Variants in SH3D21 observed in about 807,000 individuals in gnomAD.
SH3D21 encodes SH3 domain-containing protein 21.
Under a neutral mutation model 82.1 loss-of-function variants are expected in SH3D21, and 83 were observed. The ratio of observed to expected loss-of-function variants is 1.01; its 90% CI spans 0.85 to 1.21. The LOEUF is 1.21. Among genes scored for constraint, SH3D21 ranks in the 50% most tolerant of loss-of-function variants. The pLI is 0.00. For synonymous variants in SH3D21, 383 were observed against 387.8 expected (o/e 0.99, Z 0.15); for missense variants, 980 against 962.1 (o/e 1.02, Z -0.25).
At chr1:36,321,805 TGCGC>T, downstream of SH3D21, 2 of 1,004,240 alleles carry the variant, frequency 2.0e-6, no homozygotes, top group Non-Finnish European at 2.4e-6. The surrounding 1 kb of genome is among the most constrained non-coding windows in gnomAD (Gnocchi z 6.1). Context: ...GAATAAGGAA[TGCGC>T]GCGCGCTTGC....
chr1:36,316,514 C>A (rs185482180), intron 10 of SH3D21, among the ~76,000 whole-genome samples: 1 of 152,342 alleles, frequency 6.6e-6, no homozygotes, highest in Non-Finnish European at 1.5e-5. Context: ...GGATTACAGG[C>A]GTGAGCCACC....
At chr1:36,316,531 G>T (rs1646346803) in intron 10 of SH3D21, among the ~76,000 whole-genome samples, 1 of 152,152 alleles carries the variant, frequency 6.6e-6, no homozygotes, top group South Asian at 2.1e-4. Flanking sequence ...CACCGCGCCT[G>T]GCCGAGAATT....
Position 36,320,939 on chromosome 1 carries a change from G to A in SH3D21, c.2160G>A (p.Glu720=). The A allele has an allele frequency of 6.4e-7, 1 of 1,567,812 alleles. No individual in the cohort carries two copies. The highest frequency in any genetic ancestry group is 1.2e-5 in the South Asian group (1 of 85,688). ...QLERKLTDIW[E]ELKSEKEQRR... is the part of the protein sequence containing the mutation. The stretch of plus-strand genomic sequence containing the variant: ...GGAGGAAGCTGACCGACATCTGGGA[G>A]GAGCTGAAGAGCGAGAAGGAGCAGC... The change falls in exon 15 of 16, where the codon GAG becomes GAA. Residue 720 remains glutamate, a synonymous_variant. Transcript: ENST00000453908.
rs775146778 is a variant in SH3D21, at chr1:36,308,475, A to G, written c.726A>G (p.Pro242=). 5 of 1,551,420 alleles carry G rather than the reference A, an allele frequency of 3.2e-6. No individual in the cohort carries two copies. In the South Asian group the frequency reaches 5.9e-5, roughly 18 times the overall value. ...FPDNFVLPPP[P]IKKLVPRKVV... is the part of the protein sequence containing the mutation. ...ACAACTTTGTACTCCCACCACCCCCAGTGAGTACAGAGCCAAGACACTCAG... is the reference window on the plus strand; with the variant it reads ...ACAACTTTGTACTCCCACCACCCCCGGTGAGTACAGAGCCAAGACACTCAG... Residue 242 remains proline (P), a splice_region_variant and synonymous_variant, in exon 9 of 16, where the codon CCA becomes CCG. Coordinates refer to ENST00000453908, the MANE Select transcript of SH3D21 (RefSeq NM_001162530.2).
At chr1:36,309,345 T>C (rs1222056795) in intron 9 of SH3D21, among the ~76,000 whole-genome samples, 2 of 152,068 alleles carry the variant, frequency 1.3e-5, no homozygotes, top group Non-Finnish European at 2.9e-5. Flanking sequence ...TACACGTGCA[T>C]GCCACCACAT....
downstream of SH3D21, chr1:36,324,132 C>T (rs1399302459): frequency 1.1e-4 from 17 of 152,242 alleles, no homozygotes; most frequent in Non-Finnish European, 2.9e-5. Flanking sequence ...GTCCACCCCT[C>T]CTTCCAGGGC....
At chr1:36,323,026 CG>C, downstream of SH3D21, 1 of 1,599,818 alleles carries the variant, frequency 6.3e-7, no homozygotes, top group Non-Finnish European at 8.5e-7. Context: ...TGTCCCTTCG[CG>C]GGGCATCCAT....
chr1:36,316,286 G>GT (rs1646341595), intron 10 of SH3D21, among the ~76,000 whole-genome samples: 1 of 152,224 alleles, frequency 6.6e-6, no homozygotes, highest in Admixed American at 6.5e-5. Context: ...CTAGGCTGGA[G>GT]TGCAATGATG....
At chr1:36,308,329 A>G in intron 8 of SH3D21, 60 bp from the exon 9 acceptor site, 1 of 1,510,262 alleles carries the variant, frequency 6.6e-7, no homozygotes, top group Non-Finnish European at 9.0e-7. Context: ...AAGGAGTGGG[A>G]CCCCGGAAAG....
At chr1:36,320,839 C>T in intron 14 of SH3D21, 41 bp downstream of exon 14, 2 of 1,550,422 alleles carry the variant, frequency 1.3e-6, no homozygotes, top group African/African-American at 1.4e-5. Flanking sequence ...GTAGGGTTCC[C>T]CCTAGCCCTC....
In SH3D21 at chr1:36,306,387, G is replaced by A. The variant is rs774559208; in HGVS notation, c.-34G>A. On this transcript the variant is annotated 5_prime_UTR_variant, in exon 1 of 16. Transcript: ENST00000453908. This position sits in a 1 kb window ranked among gnomAD's most constrained non-coding sequence, Gnocchi z 4.5. ...GGGCCCAGTACTCGGCCGTCAGAGG[G>A]AGCTGCCAGGCTCTGGAGGGCGCCC... 32 of 1,305,414 alleles carry A rather than the reference G, an allele frequency of 2.5e-5. No homozygotes were observed. In the African/African-American group the frequency reaches 4.1e-4, roughly 17 times the overall value. The allele number at this position is 1,305,414 out of a possible 1,614,324, so 80.9% of individuals were successfully genotyped here. A position where few individuals can be genotyped will look rare whatever the true frequency, so the allele number is the denominator to read the frequency against.
downstream of SH3D21, chr1:36,327,891 G>A: frequency 1.6e-6 from 2 of 1,288,428 alleles, no homozygotes; most frequent in Non-Finnish European, 2.0e-6. Flanking sequence ...CTGCTTGACT[G>A]CCTGCTGCTC....
Position 36,321,108 on chromosome 1 carries a change from C to A in SH3D21, c.2252C>A (p.Thr751Lys). ...QKSQTPRVIH[T>K]QTQTY is the part of the protein sequence containing the mutation. The stretch of plus-strand genomic sequence containing the variant: ...TCCCAGACCCCGCGCGTCATCCACA[C>A]GCAGACGCAGACCTACTGAGGGTGG... Residue 751 changes from threonine to lysine, a missense_variant, in exon 16 of 16, where the codon ACG (threonine) becomes AAG (lysine). Transcript: ENST00000453908. The surrounding 1 kb of genome is among the most constrained non-coding windows in gnomAD (Gnocchi z 6.1). 1 of 1,611,680 alleles carries A rather than the reference C, an allele frequency of 6.2e-7. No homozygotes were observed. The highest frequency in any genetic ancestry group is 8.5e-7 in the Non-Finnish European group (1 of 1,179,240).
rs765418013 is a variant in SH3D21 at position 36,320,617 on chromosome 1, G to A, written c.1954G>A (p.Ala652Thr). The change falls in exon 14 of 16, where the codon GCC (alanine) becomes ACC (threonine). Residue 652 changes from alanine to threonine, a missense_variant. Physicochemically the swap from Ala to Thr is moderately conservative, Grantham distance 58. Transcript: ENST00000453908. Reference protein sequence around the residue: ...PKEEVPPIERAFAQKTRPIKP... With the variant: ...PKEEVPPIERTFAQKTRPIKP... ...AGAGGAGGTGCCCCCCATAGAAAGA[G>A]CCTTTGCCCAAAAAACACGTCCTAT... The A allele has an allele frequency of 6.5e-5, 105 of 1,614,256 alleles. 2 individuals carry two copies. The South Asian group carries it at 8.8e-4, about 14-fold the overall frequency.
At position 36,307,113 on chromosome 1, in the gene SH3D21, GCTC is replaced by G. The variant is rs956176764; in HGVS notation, c.227-50_227-48del. The G allele has an allele frequency of 1.6e-5, 25 of 1,547,290 alleles. No individual in the cohort carries two copies. The highest frequency in any genetic ancestry group is 7.9e-5 in the Admixed American group (4 of 50,808). The stretch of plus-strand genomic sequence containing the variant: ...ACGTGCGCGCCTTGCGCTTCCCCCA[GCTC>G]CTCTGACTGGGGCGTCCGACTGGAG... On this transcript the variant is annotated intron_variant, in intron 3 of 15. Coordinates refer to ENST00000453908, the MANE Select transcript of SH3D21 (RefSeq NM_001162530.2). This position sits in a 1 kb window ranked among gnomAD's most constrained non-coding sequence, Gnocchi z 5.4.
rs1297255753 is a variant in SH3D21 at position 36,320,397 on chromosome 1, G to A, written c.1734G>A (p.Lys578=). Residue 578 remains lysine, a synonymous_variant, in exon 14 of 16, where the codon AAG becomes AAA. Coordinates refer to ENST00000453908, the MANE Select transcript of SH3D21 (RefSeq NM_001162530.2). ...SGPASRPALE[K]PHPHEEATTL... The stretch of plus-strand genomic sequence containing the variant: ...CAGCATCCAGGCCTGCCCTTGAGAA[G>A]CCCCACCCCCACGAAGAGGCTACAA... 16 of 1,613,514 alleles carry A rather than the reference G, an allele frequency of 9.9e-6. No individual in the cohort carries two copies. Among genetic ancestry groups the A allele is most frequent in the Admixed American group, 1.7e-5 (1 of 59,974 alleles).
At chr1:36,316,071 T>C (rs1239985750) in intron 10 of SH3D21, among the ~76,000 whole-genome samples, 2 of 152,224 alleles carry the variant, frequency 1.3e-5, no homozygotes, top group Non-Finnish European at 2.9e-5. Flanking sequence ...AGTTCCACTA[T>C]CTGTTGTGTG....
chr1:36,306,497 C>A lies in SH3D21; in HGVS notation c.4+73C>A, dbSNP rs557858807. The A allele has an allele frequency of 7.7e-7, 1 of 1,304,724 alleles. No individual in the cohort carries two copies. Among genetic ancestry groups the A allele is most frequent in the African/African-American group, 1.5e-5 (1 of 65,982 alleles). 80.8% of individuals were successfully genotyped at this position (1,304,724 alleles called of 1,614,324 possible). A position where few individuals can be genotyped will look rare whatever the true frequency, so the allele number is the denominator to read the frequency against. On this transcript the variant is annotated intron_variant, in intron 1 of 15. Transcript: ENST00000453908. The surrounding 1 kb of genome is among the most constrained non-coding windows in gnomAD (Gnocchi z 4.5). Reference sequence around the variant, plus strand: ...AGCAAGAGCCCACACCACCCCCCGACCCCCGCTGCCCTCTACGGTGCTTGG... The same window carrying A: ...AGCAAGAGCCCACACCACCCCCCGAACCCCGCTGCCCTCTACGGTGCTTGG...
At chr1:36,321,858 C>A, downstream of SH3D21, 1 of 1,024,234 alleles carries the variant, frequency 9.8e-7, no homozygotes, top group Non-Finnish European at 1.2e-6. The surrounding 1 kb of genome is among the most constrained non-coding windows in gnomAD (Gnocchi z 6.1). Flanking sequence ...TGGGCTTCTG[C>A]TTTTCTGCTG....
Sources: allele counts gnomAD v4.1 joint callset (sites outside exome capture counted in the v4.1 genomes callset), GRCh38; gene constraint gnomAD v4.1.1; non-coding constraint Gnocchi (gnomAD v3.1); transcripts MANE v1.5; gene names NCBI Gene and HGNC (gene_info 2026-07-23, HGNC 2026-07-21).